ARPC5: variants seen among roughly 807,000 people sequenced by gnomAD.
ARPC5 encodes actin-related protein 2/3 complex subunit 5.
ARPC5 carries 5 observed loss-of-function variants against 15.4 expected under a neutral mutation model. That is an observed-to-expected ratio of 0.32 (90% confidence interval 0.17 to 0.68). ARPC5 has a LOEUF of 0.68. Among genes scored for constraint, ARPC5 ranks in the 30% least tolerant of loss-of-function variants. The pLI is 0.71. For missense variants in ARPC5, 138 were observed against 192.8 expected (o/e 0.72, Z 1.68); for synonymous variants, 85 against 72.2 (o/e 1.18, Z -0.90).
In ARPC5 at chr1:183,623,690, T is replaced by A; in HGVS notation, c.*3842A>T. 1 of 607,008 alleles carries A rather than the reference T, an allele frequency of 1.6e-6. No homozygotes were observed. The allele number at this position is 607,008 out of a possible 1,614,324, so 37.6% of individuals were successfully genotyped here. ...TTAACATATTTTGTCTGTAAGGGGA[T>A]GTTAGTTGTAAATCTAAAGGAAAAA... On this transcript the variant is annotated 3_prime_UTR_variant, in exon 4 of 4. Coordinates refer to ENST00000359856, the MANE Select transcript of ARPC5 (RefSeq NM_005717.4).
chr1:183,630,043 T>G (rs987039424), intron 3 of ARPC5, among the ~76,000 whole-genome samples: 3 of 152,230 alleles, frequency 2.0e-5, no homozygotes, highest in African/African-American at 7.2e-5. Flanking sequence ...TTATTAATGT[T>G]ATAGCATGTG....
At chr1:183,635,434 G>C (rs1194152940) in intron 1 of ARPC5, 83 bp downstream of exon 1, 1 of 1,463,578 alleles carries the variant, frequency 6.8e-7, no homozygotes, top group African/African-American at 1.4e-5. Flanking sequence ...CCGGTGCCCC[G>C]CGGATCCTGC....
intron 1 of ARPC5, among the ~76,000 whole-genome samples, 200 bp downstream of exon 1, chr1:183,635,317 G>T (rs1649438537): frequency 6.6e-6 from 1 of 152,180 alleles, no homozygotes. Context: ...TGGGACCCTC[G>T]CGTCTCCTGC....
At chr1:183,628,290 AT>A (rs1558121385) in intron 3 of ARPC5, among the ~76,000 whole-genome samples, 1 of 151,586 alleles carries the variant, frequency 6.6e-6, no homozygotes. Flanking sequence ...TCAAACTGGG[AT>A]CAACCATCCC....
chr1:183,634,335 G>A (rs1649361001), intron 1 of ARPC5, among the ~76,000 whole-genome samples: 1 of 152,170 alleles, frequency 6.6e-6, no homozygotes, highest in Admixed American at 6.5e-5. Flanking sequence ...TTGTGGCAAA[G>A]CACTATCTAT....
In ARPC5 at chr1:183,621,007, AAAG is replaced by A. The variant is rs1648918084; in HGVS notation, c.*6522_*6524del. The stretch of plus-strand genomic sequence containing the variant: ...AAATATAGAAATACAAAAATATAGA[AAAG>A]AAAATACAACTGGCTATTAGGCATG... On this transcript the variant is annotated 3_prime_UTR_variant, in exon 4 of 4. Transcript: ENST00000359856. 6.6e-6 allele frequency: 1 copy of A among 152,186 alleles called. No homozygotes were observed. The allele number at this position is 152,186 out of a possible 1,614,324, so 9.4% of individuals were successfully genotyped here. A position where few individuals can be genotyped will look rare whatever the true frequency, so the allele number is the denominator to read the frequency against.
At position 183,624,863 on chromosome 1, in the gene ARPC5, A is replaced by G. The variant is rs1649049302; in HGVS notation, c.*2669T>C. ...AACTGGTGAACAAGATTCAGACCTT[A>G]TTCTTCTGTTATGTCCTCATGATCC... On this transcript the variant is annotated 3_prime_UTR_variant, in exon 4 of 4. Transcript: ENST00000359856. The G allele has an allele frequency of 6.6e-6, 1 of 152,288 alleles. No individual in the cohort carries two copies. The highest frequency in any genetic ancestry group is 2.4e-5 in the African/African-American group (1 of 41,554). 9.4% of individuals were successfully genotyped at this position (152,288 alleles called of 1,614,324 possible).
intron 2 of ARPC5, chr1:183,631,076 G>C (rs550789837): frequency 3.0e-4 from 47 of 154,996 alleles, no homozygotes; most frequent in South Asian, 1.2e-3. Context: ...TAGGGGATAA[G>C]GTAGAAGCAG....
Position 183,622,674 on chromosome 1 carries a change from T to A in ARPC5, c.*4858A>T, listed in dbSNP as rs1279476118. ...TCCCATAGTGCCACTGTTAGCCAGA[T>A]ATGAGCTGGAATTCTGTTCCTCAGC... On this transcript the variant is annotated 3_prime_UTR_variant, in exon 4 of 4. Transcript: ENST00000359856. 6.6e-6 allele frequency: 1 copy of A among 152,246 alleles called. No individual in the cohort carries two copies. The highest frequency in any genetic ancestry group is 6.5e-5 in the Admixed American group (1 of 15,290). 9.4% of individuals were successfully genotyped at this position (152,246 alleles called of 1,614,324 possible).
Position 183,621,572 on chromosome 1 carries a change from A to T in ARPC5, c.*5960T>A, listed in dbSNP as rs1303135339. 2 of 152,274 alleles carry T rather than the reference A, an allele frequency of 1.3e-5. No individual in the cohort carries two copies. The highest frequency in any genetic ancestry group is 2.9e-5 in the Non-Finnish European group (2 of 68,050). 9.4% of individuals were successfully genotyped at this position (152,274 alleles called of 1,614,324 possible). ...TTAAAGCAAGTTTATTAAGAAAGTA[A>T]AGGAATAAAGAATGGCTACTCCATA... On this transcript the variant is annotated 3_prime_UTR_variant, in exon 4 of 4. Transcript: ENST00000359856.
chr1:183,628,232 G>C (rs893371524), intron 3 of ARPC5, among the ~76,000 whole-genome samples: 1 of 145,642 alleles, frequency 6.9e-6, no homozygotes, highest in African/African-American at 2.5e-5. Context: ...GCTCAAAACA[G>C]GTGGACATTC....
At chr1:183,633,276 G>A in intron 1 of ARPC5, 122 bp from the exon 2 acceptor site, 2 of 627,866 alleles carry the variant, frequency 3.2e-6, no homozygotes, top group Non-Finnish European at 2.7e-6. Flanking sequence ...GTTCAATACT[G>A]GAAATTCAAT....
Position 183,627,370 on chromosome 1 carries a change from G to T in ARPC5, c.*162C>A. 1.5e-6 allele frequency: 1 copy of T among 680,556 alleles called. No individual in the cohort carries two copies. The highest frequency in any genetic ancestry group is 2.7e-6 in the Non-Finnish European group (1 of 373,494). The allele number at this position is 680,556 out of a possible 1,614,324, so 42.2% of individuals were successfully genotyped here. On this transcript the variant is annotated 3_prime_UTR_variant, in exon 4 of 4. Coordinates refer to ENST00000359856, the MANE Select transcript of ARPC5 (RefSeq NM_005717.4). ...CTATATTATCCCAATTTTCATTAAAGGACAACTGATATGTAATTTTTTTCT... is the reference window on the plus strand; with the variant it reads ...CTATATTATCCCAATTTTCATTAAATGACAACTGATATGTAATTTTTTTCT...
chr1:183,623,472 C>T lies in ARPC5; in HGVS notation c.*4060G>A, dbSNP rs1433103238. The stretch of plus-strand genomic sequence containing the variant: ...ATATCTGGAATCATACAAGAGGCAC[C>T]TGCACAGAACGTTTTCACATTGGGG... On this transcript the variant is annotated 3_prime_UTR_variant, in exon 4 of 4. Transcript: ENST00000359856. 6.5e-7 allele frequency: 1 copy of T among 1,550,234 alleles called. No homozygotes were observed. Among genetic ancestry groups the T allele is most frequent in the East Asian group, 2.4e-5 (1 of 40,910 alleles).
In ARPC5 at chr1:183,630,645, G is replaced by A; in HGVS notation, c.217-8C>T. 1.2e-6 allele frequency: 2 copies of A among 1,608,514 alleles called. No homozygotes were observed. Among genetic ancestry groups the A allele is most frequent in the Non-Finnish European group, 1.7e-6 (2 of 1,177,724 alleles). On this transcript the variant is annotated splice_polypyrimidine_tract_variant and splice_region_variant and intron_variant, in intron 2 of 3. Transcript: ENST00000359856. ...AATGCTGCCTGCCCGGTCCTGGTGG[G>A]TCAATAAATAACAGAACATTTAGAC...
In ARPC5 at chr1:183,625,948, T is replaced by C. The variant is rs1241345958; in HGVS notation, c.*1584A>G. 6.6e-6 allele frequency: 1 copy of C among 152,154 alleles called. No individual in the cohort carries two copies. Among genetic ancestry groups the C allele is most frequent in the Non-Finnish European group, 1.5e-5 (1 of 68,018 alleles). The allele number at this position is 152,154 out of a possible 1,614,324, so 9.4% of individuals were successfully genotyped here. On this transcript the variant is annotated 3_prime_UTR_variant, in exon 4 of 4. Coordinates refer to ENST00000359856, the MANE Select transcript of ARPC5 (RefSeq NM_005717.4). ...GCTACTTTGCACTTTCTAGTCTAGGTCTTTGGGCAGTGATACTACATATAG... is the reference window on the plus strand; with the variant it reads ...GCTACTTTGCACTTTCTAGTCTAGGCCTTTGGGCAGTGATACTACATATAG...
intron 2 of ARPC5, chr1:183,631,913 C>A (rs190023605): frequency 3.3e-5 from 5 of 152,340 alleles, no homozygotes; most frequent in African/African-American, 1.2e-4. Context: ...CAAAGTGATA[C>A]CTCCAGCATT....
rs535245995 is a variant in ARPC5 at position 183,621,233 on chromosome 1, A to G, written c.*6299T>C. On this transcript the variant is annotated 3_prime_UTR_variant, in exon 4 of 4. Transcript: ENST00000359856. ...AACCTTTAAGAAAGGCAATTTAGCAATATCTCCCTTAAATGCCCTCCAACT... is the reference window on the plus strand; with the variant it reads ...AACCTTTAAGAAAGGCAATTTAGCAGTATCTCCCTTAAATGCCCTCCAACT... 26 of 152,354 alleles carry G rather than the reference A, an allele frequency of 1.7e-4. No homozygotes were observed. Among genetic ancestry groups the G allele is most frequent in the Admixed American group, 4.6e-4 (7 of 15,306 alleles). 9.4% of individuals were successfully genotyped at this position (152,354 alleles called of 1,614,324 possible).
intron 3 of ARPC5, among the ~76,000 whole-genome samples, chr1:183,629,469 G>A (rs993049019): frequency 6.6e-6 from 1 of 151,678 alleles, no homozygotes; most frequent in East Asian, 1.9e-4. Context: ...AGTAAAAGGG[G>A]GAACTATTGT....
Sources: allele counts gnomAD v4.1 joint callset (sites outside exome capture counted in the v4.1 genomes callset), GRCh38; gene constraint gnomAD v4.1.1; transcripts MANE v1.5; gene names NCBI Gene and HGNC (gene_info 2026-07-23, HGNC 2026-07-21).